The following TENM2 variants were observed in gnomAD, a reference collection of about 807,000 sequenced individuals.
The protein encoded by TENM2 is teneurin-2.
In TENM2, 52 loss-of-function variants were observed where a neutral mutation model predicts 245.2. That is an observed-to-expected ratio of 0.21 (90% CI 0.17 to 0.27). The LOEUF (loss-of-function observed/expected upper bound fraction) is 0.27. Among genes scored for constraint, TENM2 ranks in the 10% least tolerant of loss-of-function variants. TENM2 has a pLI of 1.00. For synonymous variants in TENM2, 1,363 were observed against 1,438.9 expected (o/e 0.95, Z 1.19); for missense variants, 3,046 against 3,666.8 (o/e 0.83, Z 4.37).
intron 2 of TENM2, among the ~76,000 whole-genome samples, chr5:167,595,401 T>C (rs1582486811): frequency 6.6e-6 from 1 of 152,016 alleles, no homozygotes; most frequent in Admixed American, 6.6e-5. Flanking sequence ...ACTCAGCAAA[T>C]TGGGATGATG....
rs55977607 is a variant in TENM2, at chr5:168,155,892, TAAAAAAAAA to T, written c.2423-6695_2423-6687del. ...TTCCATTTAATACCTCTGGCATCTG[TAAAAAAAAA>T]AAAAAAAAAAAAAAAAAAAAAAATT... On this transcript the variant is annotated intron_variant, in intron 12 of 28. Coordinates refer to ENST00000518659, the Ensembl canonical transcript of TENM2. Among the ~76,000 whole-genome samples, 58 of 96,930 alleles carry T rather than the reference TAAAAAAAAA, an allele frequency of 6.0e-4. 1 individual carries two copies. Among genetic ancestry groups the T allele is most frequent in the African/African-American group, 1.7e-3 (48 of 27,632 alleles). 63.6% of individuals were successfully genotyped at this position (96,930 alleles called of 152,430 possible).
the TENM2 span, among the ~76,000 whole-genome samples, chr5:167,003,181 T>A: frequency 6.6e-6 from 1 of 152,198 alleles, no homozygotes; most frequent in African/African-American, 2.4e-5. Flanking sequence ...TGATACCAAG[T>A]ACTTCAAGTC....
At chr5:168,100,520 G>A (rs898179713) in intron 9 of TENM2, among the ~76,000 whole-genome samples, 1 of 152,180 alleles carries the variant, frequency 6.6e-6, no homozygotes, top group Non-Finnish European at 1.5e-5. Flanking sequence ...TAAAGTAAAT[G>A]TGGCACATAT....
chr5:167,059,785 C>A, the TENM2 span, among the ~76,000 whole-genome samples: 1 of 149,856 alleles, frequency 6.7e-6, no homozygotes, highest in African/African-American at 2.5e-5. Context: ...CTCACTGCAA[C>A]CTCCGCCTCC....
At chr5:167,939,305 A>G (rs1442238576) in intron 3 of TENM2, among the ~76,000 whole-genome samples, 3 of 152,198 alleles carry the variant, frequency 2.0e-5, no homozygotes, top group Non-Finnish European at 4.4e-5. Flanking sequence ...GCAGTTCACA[A>G]TAGGGTTCAC....
chr5:167,568,289 A>T (rs1774034975), intron 2 of TENM2, among the ~76,000 whole-genome samples: 2 of 152,176 alleles, frequency 1.3e-5, no homozygotes, highest in South Asian at 4.1e-4. Flanking sequence ...AAATCCTTCC[A>T]TGCAAAAGGA....
At chr5:167,314,945 A>G (rs1403981460) in intron 1 of TENM2, among the ~76,000 whole-genome samples, 2 of 152,000 alleles carry the variant, frequency 1.3e-5, no homozygotes, top group African/African-American at 4.8e-5. Context: ...TTTCAGTTAT[A>G]CCTCAGTCTT....
rs1001652661 is a variant in TENM2, at chr5:167,702,955, G to A, written c.503-173031G>A. On this transcript the variant is annotated intron_variant, in intron 2 of 28. Transcript: ENST00000518659. ...TGGGATTACAGGCGTAAGCCACCACGCCCAGCCACTTTTTTATTTTCTTCA... is the reference window on the plus strand; with the variant it reads ...TGGGATTACAGGCGTAAGCCACCACACCCAGCCACTTTTTTATTTTCTTCA... Among the ~76,000 whole-genome samples, 5 of 152,110 alleles carry A rather than the reference G, an allele frequency of 3.3e-5. No homozygotes were observed. The East Asian group carries it at 5.8e-4, about 18-fold the overall frequency.
chr5:167,808,633 C>A (rs1014792040), intron 2 of TENM2, among the ~76,000 whole-genome samples: 1 of 152,160 alleles, frequency 6.6e-6, no homozygotes, highest in Non-Finnish European at 1.5e-5. Context: ...ATACTATTAC[C>A]TTTATTGTAA....
intron 2 of TENM2, among the ~76,000 whole-genome samples, chr5:167,434,234 A>C (rs1439998642): frequency 6.6e-6 from 1 of 151,976 alleles, no homozygotes; most frequent in Non-Finnish European, 1.5e-5. Flanking sequence ...AGCCTGGCCA[A>C]CATGGAGAAA....
At chr5:167,906,498 C>T (rs1176434476) in intron 3 of TENM2, among the ~76,000 whole-genome samples, 1 of 152,096 alleles carries the variant, frequency 6.6e-6, no homozygotes, top group Non-Finnish European at 1.5e-5. Context: ...ACCATCAAAC[C>T]CCTCAATTTC....
At chr5:167,069,332 G>A in the TENM2 span, among the ~76,000 whole-genome samples, 29,515 of 151,990 alleles carry the variant, frequency 0.19, 3,919 homozygotes, top group East Asian at 0.43. Flanking sequence ...TAATTTTTCT[G>A]ATTTATATGT....
At chr5:167,946,620 A>C (rs1583451706) in intron 3 of TENM2, among the ~76,000 whole-genome samples, 1 of 152,162 alleles carries the variant, frequency 6.6e-6, no homozygotes, top group Non-Finnish European at 1.5e-5. Context: ...CAGCCAGGGC[A>C]GGGGACCTGT....
the TENM2 span, among the ~76,000 whole-genome samples, chr5:167,099,468 G>A: frequency 6.6e-6 from 1 of 152,250 alleles, no homozygotes; most frequent in Non-Finnish European, 1.5e-5. Flanking sequence ...GGCCGAGGCG[G>A]GCGGATCGCC....
At chr5:167,367,503 ATGAACT>A (rs1251327848) in intron 1 of TENM2, among the ~76,000 whole-genome samples, 1 of 152,168 alleles carries the variant, frequency 6.6e-6, no homozygotes, top group Non-Finnish European at 1.5e-5. Flanking sequence ...GTAAAAACAG[ATGAACT>A]TTAAAAGGTC....
chr5:167,531,933 T>C (rs1771534273), intron 2 of TENM2, among the ~76,000 whole-genome samples: 1 of 152,172 alleles, frequency 6.6e-6, no homozygotes, highest in Non-Finnish European at 1.5e-5. Flanking sequence ...ATTTATGCTG[T>C]GGATTTGATT....
At chr5:167,706,741 G>A (rs1758552053) in intron 2 of TENM2, among the ~76,000 whole-genome samples, 2 of 151,678 alleles carry the variant, frequency 1.3e-5, no homozygotes, top group South Asian at 4.2e-4. Flanking sequence ...CCGGCCGGGC[G>A]CGGTGGCTCA....
At chr5:167,034,649 A>AG in the TENM2 span, among the ~76,000 whole-genome samples, 11 of 150,666 alleles carry the variant, frequency 7.3e-5, no homozygotes, top group South Asian at 1.0e-3. Context: ...AAAAAAAAAA[A>AG]AAAAGAAAAT....
intron 3 of TENM2, among the ~76,000 whole-genome samples, chr5:167,883,606 G>A (rs1046503888): frequency 2.0e-5 from 3 of 152,166 alleles, no homozygotes; most frequent in Non-Finnish European, 2.9e-5. Flanking sequence ...TCTCAGGGTC[G>A]ATAGGCATTG....
Sources: gnomAD v4.1 joint callset for allele counts (sites outside exome capture counted in the v4.1 genomes callset) on GRCh38, gnomAD v4.1.1 for gene constraint, MANE v1.5 for transcripts, NCBI Gene and HGNC (gene_info 2026-07-23, HGNC 2026-07-21) for gene names.